The following SERAC1 variants were observed in gnomAD, a reference collection of about 807,000 sequenced individuals.
SERAC1 encodes the protein serine active site containing 1.
In SERAC1, 36 loss-of-function variants were observed where a neutral mutation model predicts 85.7. That is an observed-to-expected ratio of 0.42 (90% CI 0.32 to 0.55). The LOEUF (loss-of-function observed/expected upper bound fraction) is 0.55, where lower values mean the gene tolerates loss of function less well. Among genes scored for constraint, SERAC1 ranks in the 20% least tolerant of loss-of-function variants. SERAC1 has a pLI of 0.11. For missense variants in SERAC1, 629 were observed against 796.2 expected (o/e 0.79, Z 2.53); for synonymous variants, 242 against 265.3 (o/e 0.91, Z 0.85).
Position 158,115,734 on chromosome 6 carries a change from G to A in SERAC1, c.1501+451C>T, listed in dbSNP as rs116363680. ...GACACTTGATCACACCTGTACCTCA[G>A]CAGCTCTGGGCCTGGTGTGAGCAGG... On this transcript the variant is annotated intron_variant, in intron 14 of 16. Coordinates refer to ENST00000647468, the MANE Select transcript of SERAC1 (RefSeq NM_032861.4). 3.8e-3 allele frequency among the ~76,000 whole-genome samples: 573 copies of A among 152,284 alleles called. 3 individuals are homozygous for A. Among genetic ancestry groups the A allele is most frequent in the African/African-American group, 0.013 (546 of 41,552 alleles).
chr6:158,126,030 ATAAT>A (rs1220644987), intron 10 of SERAC1, among the ~76,000 whole-genome samples: 1 of 152,248 alleles, frequency 6.6e-6, no homozygotes, highest in Non-Finnish European at 1.5e-5. Flanking sequence ...AACGATATCA[ATAAT>A]TACATTAGTA....
intron 14 of SERAC1, 117 bp from the exon 15 acceptor site, chr6:158,115,088 A>T: frequency 1.8e-6 from 2 of 1,116,586 alleles, no homozygotes; most frequent in Non-Finnish European, 2.5e-6. Context: ...CTTTTTAAAA[A>T]AAATGGTTTA....
intron 8 of SERAC1, among the ~76,000 whole-genome samples, chr6:158,134,113 C>T (rs1784740919): frequency 6.6e-6 from 1 of 152,244 alleles, no homozygotes. Flanking sequence ...ATCTACACTG[C>T]TTTCAGCATT....
intron 2 of SERAC1, among the ~76,000 whole-genome samples, chr6:158,156,865 A>G (rs898619093): frequency 4.0e-5 from 4 of 98,884 alleles, no homozygotes; most frequent in African/African-American, 1.1e-4. Flanking sequence ...AATAAATATT[A>G]ATATATTTAT....
chr6:158,154,850 C>T (rs1449353482), intron 3 of SERAC1, among the ~76,000 whole-genome samples: 1 of 151,412 alleles, frequency 6.6e-6, no homozygotes, highest in Non-Finnish European at 1.5e-5. Context: ...AGTGAGTGCC[C>T]GATTTAACTG....
chr6:158,140,798 G>A (rs1383805405), intron 8 of SERAC1, among the ~76,000 whole-genome samples: 1 of 152,208 alleles, frequency 6.6e-6, no homozygotes, highest in East Asian at 1.9e-4. Flanking sequence ...GAAGGACACT[G>A]AGCTGATGTT....
chr6:158,111,285 T>C lies in SERAC1; in HGVS notation c.*81A>G, dbSNP rs1204494691. On this transcript the variant is annotated 3_prime_UTR_variant, in exon 17 of 17. Coordinates refer to ENST00000647468, the MANE Select transcript of SERAC1 (RefSeq NM_032861.4). Reference sequence around the variant, plus strand: ...CGCTATGATCACTATGTTTGCATGATTGCATAGAGCTTAAAAGAAGAAACA... The same window carrying C: ...CGCTATGATCACTATGTTTGCATGACTGCATAGAGCTTAAAAGAAGAAACA... 1.3e-5 allele frequency: 17 copies of C among 1,285,552 alleles called. No individual in the cohort carries two copies. Among genetic ancestry groups the C allele is most frequent in the African/African-American group, 3.0e-5 (2 of 67,204 alleles). 79.6% of individuals were successfully genotyped at this position (1,285,552 alleles called of 1,614,324 possible).
At chr6:158,121,558 C>T (rs1484025171) in intron 10 of SERAC1, among the ~76,000 whole-genome samples, 1 of 152,156 alleles carries the variant, frequency 6.6e-6, no homozygotes, top group Non-Finnish European at 1.5e-5. Flanking sequence ...TGTCCCCATG[C>T]CCTTCTCCCA....
Position 158,134,234 on chromosome 6 carries a change from C to T in SERAC1, c.739-3748G>A, listed in dbSNP as rs1240262413. 2.0e-5 allele frequency among the ~76,000 whole-genome samples: 3 copies of T among 152,152 alleles called. No homozygotes were observed. In the East Asian group the frequency reaches 5.8e-4, roughly 29 times the overall value. The stretch of plus-strand genomic sequence containing the variant: ...ATAAAAGGTACATATTGAATGGAAC[C>T]ATATGAAGCTGCCTCTTTCCCCAGC... On this transcript the variant is annotated intron_variant, in intron 8 of 16. Coordinates refer to ENST00000647468, the MANE Select transcript of SERAC1 (RefSeq NM_032861.4).
intron 8 of SERAC1, among the ~76,000 whole-genome samples, chr6:158,133,045 G>A (rs970108957): frequency 3.3e-5 from 5 of 152,198 alleles, no homozygotes; most frequent in African/African-American, 7.2e-5. Flanking sequence ...GGTAGCTCAC[G>A]CCTGTAATCC....
chr6:158,145,653 A>G (rs60162374), intron 6 of SERAC1, among the ~76,000 whole-genome samples: 5,299 of 151,044 alleles, frequency 0.035, 294 homozygotes, highest in African/African-American at 0.12. Flanking sequence ...CAAGTAGCTG[A>G]GATTACAAGC....
At chr6:158,148,634 G>C (rs914547603) in intron 5 of SERAC1, among the ~76,000 whole-genome samples, 5 of 151,874 alleles carry the variant, frequency 3.3e-5, no homozygotes, top group African/African-American at 4.8e-5. Context: ...GTAGAGACAG[G>C]GTTTCACCAT....
At chr6:158,148,733 A>G in intron 5 of SERAC1, 132 bp downstream of exon 5, 1 of 633,430 alleles carries the variant, frequency 1.6e-6, no homozygotes, top group East Asian at 3.3e-5. Context: ...GTGAGCCACC[A>G]TACCTGGCCT....
chr6:158,161,399 T>C (rs989077260), intron 1 of SERAC1: 1 of 147,288 alleles, frequency 6.8e-6, no homozygotes, highest in East Asian at 2.0e-4. Context: ...AAAAAAAAAA[T>C]AGTAATAGCT....
intron 7 of SERAC1, 31 bp downstream of exon 7, chr6:158,144,268 T>A: frequency 6.4e-7 from 1 of 1,562,366 alleles, no homozygotes; most frequent in East Asian, 2.3e-5. Flanking sequence ...TTTTTCACTC[T>A]CTAAATTACT....
chr6:158,167,007 A>C (rs887674763), intron 1 of SERAC1, among the ~76,000 whole-genome samples: 2 of 152,132 alleles, frequency 1.3e-5, no homozygotes, highest in African/African-American at 4.8e-5. Context: ...AAGTGCACAA[A>C]AATGGAACTG....
chr6:158,150,689 G>A (rs1191537297), intron 3 of SERAC1, 100 bp from the exon 4 acceptor site: 1 of 835,292 alleles, frequency 1.2e-6, no homozygotes, highest in South Asian at 1.6e-5. Context: ...CTTCTTTTTT[G>A]TTGGGAAACA....
At chr6:158,130,543 G>T in intron 8 of SERAC1, 57 bp from the exon 9 acceptor site, 3 of 1,068,000 alleles carry the variant, frequency 2.8e-6, no homozygotes, top group South Asian at 3.1e-5. Context: ...ATTTTTGTTT[G>T]ACAAAAAAAA....
In SERAC1 at chr6:158,148,914, T is replaced by TA. The variant is rs776920293; in HGVS notation, c.305dup (p.Arg103LysfsTer17). Reference sequence around the variant, plus strand: ...TGGCTGATGTTGCCAATACTTTTCTTACTGCTTTGTGAAGTTCTTTTCTTG... The same window carrying TA: ...TGGCTGATGTTGCCAATACTTTTCTTAACTGCTTTGTGAAGTTCTTTTCTTG... On this transcript the variant is annotated frameshift_variant, in exon 5 of 17. Coordinates refer to ENST00000647468, the MANE Select transcript of SERAC1 (RefSeq NM_032861.4). LOFTEE classifies it high-confidence loss of function. 6.2e-7 allele frequency: 1 copy of TA among 1,613,046 alleles called. No homozygotes were observed. Among genetic ancestry groups the TA allele is most frequent in the Admixed American group, 1.7e-5 (1 of 59,916 alleles).
Sources: gnomAD v4.1 joint callset for allele counts (sites outside exome capture counted in the v4.1 genomes callset) on GRCh38, gnomAD v4.1.1 for gene constraint, MANE v1.5 for transcripts, NCBI Gene and HGNC (gene_info 2026-07-23, HGNC 2026-07-21) for gene names.